The following DENND1B variants were observed in gnomAD, a reference collection of about 807,000 sequenced individuals.
The protein encoded by DENND1B is DENN domain-containing protein 1B.
In DENND1B, 59 loss-of-function variants were observed where a neutral mutation model predicts 90.1. The ratio of observed to expected loss-of-function variants is 0.65; its 90% CI spans 0.53 to 0.81. The LOEUF is 0.81. DENND1B is among the 40% of genes least tolerant of loss of function. The probability of loss-of-function intolerance (pLI) is 0.00; values close to 1 mark genes in which losing one functional copy is unlikely to be tolerated. For missense variants in DENND1B, 862 were observed against 912.6 expected (o/e 0.94, Z 0.71); for synonymous variants, 337 against 324.6 (o/e 1.04, Z -0.41).
At chr1:197,761,840 G>C (rs1179449555) in intron 2 of DENND1B, 1 of 151,670 alleles carries the variant, frequency 6.6e-6, no homozygotes, top group Admixed American at 6.6e-5. Flanking sequence ...AAAAGGAAAA[G>C]GCTCTATCTT....
At chr1:197,663,620 C>CA (rs1380930380) in intron 5 of DENND1B, among the ~76,000 whole-genome samples, 2 of 152,014 alleles carry the variant, frequency 1.3e-5, no homozygotes, top group African/African-American at 4.8e-5. Context: ...TCTTAAAAGT[C>CA]AAAAGAACTG....
chr1:197,511,669 T>C, intron 22 of DENND1B, 59 bp downstream of exon 22: 1 of 1,396,248 alleles, frequency 7.2e-7, no homozygotes, highest in Non-Finnish European at 9.6e-7. Context: ...GATCCAGTAA[T>C]CACAGCCAAG....
chr1:197,592,307 T>C (rs1338489460), intron 14 of DENND1B, among the ~76,000 whole-genome samples: 2 of 152,038 alleles, frequency 1.3e-5, no homozygotes, highest in Admixed American at 1.3e-4. Context: ...AAGAGTAATA[T>C]TTTGAAGGCT....
In DENND1B at chr1:197,594,069, G is replaced by A. The variant is rs187750790; in HGVS notation, c.1047+1139C>T. ...CCCCCATGTGAGATATGTATACTCT[G>A]TATAGTACTATGAATTATATAATGC... On this transcript the variant is annotated intron_variant, in intron 14 of 22. Transcript: ENST00000620048. Among the ~76,000 whole-genome samples the A allele has an allele frequency of 8.2e-3, 1,245 of 152,196 alleles. 18 individuals carry two copies. Among genetic ancestry groups the A allele is most frequent in the African/African-American group, 0.028 (1,154 of 41,532 alleles).
At chr1:197,585,195 T>C (rs962008741) in intron 14 of DENND1B, among the ~76,000 whole-genome samples, 10 of 152,190 alleles carry the variant, frequency 6.6e-5, no homozygotes, top group Non-Finnish European at 1.3e-4. Context: ...GGGAGCCCGA[T>C]AAATGTTTTA....
At chr1:197,746,063 A>G (rs1663715197) in intron 2 of DENND1B, among the ~76,000 whole-genome samples, 2 of 152,214 alleles carry the variant, frequency 1.3e-5, no homozygotes, top group Non-Finnish European at 2.9e-5. Flanking sequence ...TTAAAAACAC[A>G]GTACCAGAAA....
intron 3 of DENND1B, among the ~76,000 whole-genome samples, chr1:197,705,871 T>A (rs1571431226): frequency 6.6e-6 from 1 of 152,078 alleles, no homozygotes; most frequent in Non-Finnish European, 1.5e-5. Flanking sequence ...CTTAAGATAT[T>A]TATAAATCTA....
Position 197,698,937 on chromosome 1 carries a change from A to G in DENND1B, c.126+16094T>C, listed in dbSNP as rs533846478. Among the ~76,000 whole-genome samples, 4 of 152,320 alleles carry G rather than the reference A, an allele frequency of 2.6e-5. No individual in the cohort carries two copies. In the East Asian group the frequency reaches 5.8e-4, roughly 22 times the overall value. ...GTAATTAATAGCCTACCAACCAAAA[A>G]AAGCCCAGGACCAGATGGATTCACA... is the stretch of plus-strand genomic sequence containing the variant. On this transcript the variant is annotated intron_variant, in intron 3 of 22. Coordinates refer to ENST00000620048, the MANE Select transcript of DENND1B (RefSeq NM_001195215.2).
chr1:197,740,767 T>C (rs549740978), intron 2 of DENND1B, among the ~76,000 whole-genome samples: 9 of 152,290 alleles, frequency 5.9e-5, no homozygotes, highest in Admixed American at 2.6e-4. Flanking sequence ...CAGAACTAAA[T>C]TGCCACCTTC....
At chr1:197,604,986 A>C (rs1676539365) in intron 13 of DENND1B, among the ~76,000 whole-genome samples, 1 of 151,046 alleles carries the variant, frequency 6.6e-6, no homozygotes, top group Non-Finnish European at 1.5e-5. Flanking sequence ...ACCATCTCAC[A>C]CTTTCAGTAA....
intron 3 of DENND1B, among the ~76,000 whole-genome samples, chr1:197,694,702 A>T: frequency 6.6e-6 from 1 of 151,408 alleles, no homozygotes; most frequent in South Asian, 2.1e-4. Flanking sequence ...TTTCAATCAG[A>T]ATCATTTATC....
intron 3 of DENND1B, among the ~76,000 whole-genome samples, chr1:197,683,392 A>AG (rs1348231405): frequency 2.0e-5 from 3 of 152,128 alleles, no homozygotes; most frequent in African/African-American, 7.2e-5. Flanking sequence ...AAGGCTGAAA[A>AG]GGGGCAAGAC....
chr1:197,544,674 T>G (rs558061570), intron 18 of DENND1B, among the ~76,000 whole-genome samples: 2 of 140,288 alleles, frequency 1.4e-5, no homozygotes, highest in African/African-American at 5.3e-5. Context: ...GCTGATAAGC[T>G]AAAAAAGAAA....
chr1:197,613,340 C>CT (rs1677350951), intron 11 of DENND1B, among the ~76,000 whole-genome samples: 2 of 150,852 alleles, frequency 1.3e-5, no homozygotes, highest in Admixed American at 6.6e-5. Flanking sequence ...CCTCGTTAGC[C>CT]TGTACATTCT....
chr1:197,776,625 A>G (rs1297014398), upstream of DENND1B, among the ~76,000 whole-genome samples: 1 of 152,244 alleles, frequency 6.6e-6, no homozygotes, highest in Non-Finnish European at 1.5e-5. Context: ...TGTGAGTCAT[A>G]AGACATAAAA....
At chr1:197,759,307 A>G (rs1367447244) in intron 2 of DENND1B, among the ~76,000 whole-genome samples, 1 of 151,666 alleles carries the variant, frequency 6.6e-6, no homozygotes, top group Non-Finnish European at 1.5e-5. Flanking sequence ...ACCAAATAAA[A>G]GAAATTAATA....
At chr1:197,548,118 G>T (rs993573198) in intron 16 of DENND1B, among the ~76,000 whole-genome samples, 1 of 152,168 alleles carries the variant, frequency 6.6e-6, no homozygotes, top group African/African-American at 2.4e-5. Flanking sequence ...AAAGAAACTA[G>T]CTATGATAAA....
intron 10 of DENND1B, among the ~76,000 whole-genome samples, chr1:197,623,736 AT>A (rs1678386293): frequency 6.6e-6 from 1 of 151,500 alleles, no homozygotes; most frequent in African/African-American, 2.4e-5. Flanking sequence ...ATGAACCTAT[AT>A]TGATACATCA....
chr1:197,592,897 T>C (rs1572001169), intron 14 of DENND1B, among the ~76,000 whole-genome samples: 1 of 152,190 alleles, frequency 6.6e-6, no homozygotes, highest in East Asian at 1.9e-4. Flanking sequence ...ATTCACATTA[T>C]TAACACCTAC....
Sources: gnomAD v4.1 joint callset for allele counts (sites outside exome capture counted in the v4.1 genomes callset) on GRCh38, gnomAD v4.1.1 for gene constraint, MANE v1.5 for transcripts, NCBI Gene and HGNC (gene_info 2026-07-23, HGNC 2026-07-21) for gene names.